ARID2: variants seen among roughly 807,000 people sequenced by gnomAD.
ARID2 encodes the protein AT-rich interactive domain-containing protein 2.
ARID2 carries 32 observed loss-of-function variants against 184.6 expected under a neutral mutation model. The observed-to-expected ratio is 0.17, with a 90% CI of 0.13 to 0.23. The LOEUF is 0.23. ARID2 is among the 10% of genes least tolerant of loss of function. The pLI, the probability that ARID2 is intolerant of heterozygous loss-of-function variation, is 1.00. For synonymous variants in ARID2, 836 were observed against 772.6 expected, an observed-to-expected ratio of 1.08 and a Z score of -1.36; for missense variants, 1,696 against 2,197.6, an observed-to-expected ratio of 0.77 and a Z score of 4.56.
intron 3 of ARID2, among the ~76,000 whole-genome samples, chr12:45,788,543 T>C (rs1420613643): frequency 6.6e-6 from 1 of 152,182 alleles, no homozygotes; most frequent in African/African-American, 2.4e-5. Flanking sequence ...AAATGGTCTA[T>C]ACTTTGATTA....
chr12:45,784,502 A>G (rs995236413), intron 3 of ARID2, among the ~76,000 whole-genome samples: 5 of 152,154 alleles, frequency 3.3e-5, no homozygotes, highest in African/African-American at 7.2e-5. Context: ...ATGTGGTGAA[A>G]CACCATCTCT....
chr12:45,795,567 G>A (rs548343613), intron 3 of ARID2, among the ~76,000 whole-genome samples: 1 of 151,982 alleles, frequency 6.6e-6, no homozygotes, highest in Non-Finnish European at 1.5e-5. Context: ...TGAGTAGCTG[G>A]GACTACAGGC....
chr12:45,854,639 T>C (rs755315938), intron 15 of ARID2, among the ~76,000 whole-genome samples: 4 of 152,162 alleles, frequency 2.6e-5, no homozygotes, highest in Non-Finnish European at 4.4e-5. Flanking sequence ...TTAGAGACCT[T>C]TACAATCCTA....
intron 3 of ARID2, 42 bp from the exon 4 acceptor site, chr12:45,811,376 A>T (rs2138082207): frequency 6.4e-7 from 1 of 1,573,798 alleles, no homozygotes; most frequent in Non-Finnish European, 8.6e-7. Flanking sequence ...ATAAGATATA[A>T]ATCTATTTTT....
chr12:45,736,249 C>T (rs928768634), intron 3 of ARID2, among the ~76,000 whole-genome samples: 6 of 151,652 alleles, frequency 4.0e-5, no homozygotes, highest in Non-Finnish European at 8.8e-5. Context: ...CCCAGCTACT[C>T]GGGAGGCTGA....
intron 3 of ARID2, among the ~76,000 whole-genome samples, chr12:45,799,395 A>T (rs1377172085): frequency 6.6e-6 from 1 of 152,208 alleles, no homozygotes; most frequent in East Asian, 1.9e-4. Context: ...ATGCATCATT[A>T]TGTACACTTA....
chr12:45,838,553 A>C (rs961218946), intron 10 of ARID2, among the ~76,000 whole-genome samples: 72 of 152,112 alleles, frequency 4.7e-4, no homozygotes, highest in African/African-American at 1.7e-3. Context: ...AAATCACCTG[A>C]GCACAGTTCA....
At chr12:45,750,290 T>C (rs1270560540) in intron 3 of ARID2, among the ~76,000 whole-genome samples, 1 of 152,178 alleles carries the variant, frequency 6.6e-6, no homozygotes, top group East Asian at 1.9e-4. Flanking sequence ...ACACAGTATT[T>C]ATTAAGTTGC....
chr12:45,764,563 T>C (rs1274362193), intron 3 of ARID2, among the ~76,000 whole-genome samples: 1 of 152,218 alleles, frequency 6.6e-6, no homozygotes, highest in Non-Finnish European at 1.5e-5. Context: ...ATCTGTTTTA[T>C]ACCCTTACAA....
chr12:45,742,560 G>A (rs1941283744), intron 3 of ARID2, among the ~76,000 whole-genome samples: 1 of 152,058 alleles, frequency 6.6e-6, no homozygotes, highest in Admixed American at 6.6e-5. Context: ...TATATATTTT[G>A]CCTTTTTTCA....
chr12:45,749,310 T>C (rs1941416221), intron 3 of ARID2, among the ~76,000 whole-genome samples: 1 of 152,234 alleles, frequency 6.6e-6, no homozygotes, highest in Non-Finnish European at 1.5e-5. Context: ...AAGTGATCTT[T>C]TTTTTTGAGC....
intron 3 of ARID2, among the ~76,000 whole-genome samples, chr12:45,746,257 T>C (rs1941353655): frequency 6.6e-6 from 1 of 152,038 alleles, no homozygotes. Flanking sequence ...ACTACAGGTG[T>C]GTGCCACCAT....
intron 3 of ARID2, among the ~76,000 whole-genome samples, chr12:45,766,838 G>T (rs1240239286): frequency 6.6e-6 from 1 of 150,488 alleles, no homozygotes; most frequent in Non-Finnish European, 1.5e-5. Flanking sequence ...TTTTAAAGAA[G>T]TAGCTTGTAA....
intron 3 of ARID2, among the ~76,000 whole-genome samples, chr12:45,778,708 T>G (rs889664822): frequency 4.6e-5 from 7 of 151,990 alleles, no homozygotes; most frequent in African/African-American, 1.7e-4. Context: ...TGACGGTTCA[T>G]TTACATATTA....
intron 6 of ARID2, among the ~76,000 whole-genome samples, chr12:45,834,798 T>C (rs1232283262): frequency 6.6e-6 from 1 of 152,204 alleles, no homozygotes; most frequent in Non-Finnish European, 1.5e-5. Context: ...TATCCCATTG[T>C]GATTTTTCTC....
intron 16 of ARID2, among the ~76,000 whole-genome samples, chr12:45,886,386 G>A (rs1037578911): frequency 3.3e-5 from 5 of 151,040 alleles, no homozygotes; most frequent in Admixed American, 6.6e-5. Context: ...TGCCCCCCCC[G>A]GTCAGCTGCC....
intron 11 of ARID2, among the ~76,000 whole-genome samples, chr12:45,844,628 T>C (rs1448658682): frequency 6.6e-6 from 1 of 152,226 alleles, no homozygotes; most frequent in Non-Finnish European, 1.5e-5. Flanking sequence ...CACGTTACAC[T>C]ATAACAATAA....
chr12:45,818,873 A>G (rs1212646669), intron 5 of ARID2, among the ~76,000 whole-genome samples: 2 of 152,128 alleles, frequency 1.3e-5, no homozygotes, highest in Non-Finnish European at 1.5e-5. Flanking sequence ...AGTAAAAATT[A>G]GTTTCTTAAC....
chr12:45,763,025 A>T (rs1234263159), intron 3 of ARID2, among the ~76,000 whole-genome samples: 2 of 152,230 alleles, frequency 1.3e-5, no homozygotes, highest in African/African-American at 4.8e-5. Context: ...TACTGTGCTA[A>T]GTGTTTTATG....
Sources: allele counts gnomAD v4.1 joint callset (sites outside exome capture counted in the v4.1 genomes callset), GRCh38; gene constraint gnomAD v4.1.1; transcripts MANE v1.5; gene names NCBI Gene and HGNC (gene_info 2026-07-23, HGNC 2026-07-21).